SLC35F3: variants seen among roughly 807,000 people sequenced by gnomAD.
The protein encoded by SLC35F3 is putative thiamine transporter SLC35F3.
Under a neutral mutation model 49.9 loss-of-function variants are expected in SLC35F3, and 25 were observed. The ratio of observed to expected loss-of-function variants is 0.50; its 90% CI spans 0.37 to 0.70. The LOEUF (loss-of-function observed/expected upper bound fraction) is 0.70. SLC35F3 is among the 30% of genes least tolerant of loss of function. The probability of loss-of-function intolerance (pLI) is 0.00; values close to 1 mark genes in which losing one functional copy is unlikely to be tolerated. For missense variants in SLC35F3, 525 were observed against 639.8 expected, an observed-to-expected ratio of 0.82 and a Z score of 1.94; for synonymous variants, 275 against 265.4, an observed-to-expected ratio of 1.04 and a Z score of -0.35.
chr1:233,923,093 G>A (rs551186653), intron 2 of SLC35F3, among the ~76,000 whole-genome samples: 1 of 152,030 alleles, frequency 6.6e-6, no homozygotes, highest in Non-Finnish European at 1.5e-5. Context: ...ATGCCTCCAG[G>A]TTTGTTCTTT....
chr1:234,115,583 A>G (rs1036449312), intron 2 of SLC35F3, among the ~76,000 whole-genome samples: 1 of 152,190 alleles, frequency 6.6e-6, no homozygotes, highest in African/African-American at 2.4e-5. Flanking sequence ...AACATGTTCA[A>G]CTTTTTATTT....
At chr1:233,951,212 A>T (rs1662601950) in intron 2 of SLC35F3, among the ~76,000 whole-genome samples, 1 of 152,008 alleles carries the variant, frequency 6.6e-6, no homozygotes. Flanking sequence ...ATATGCAATG[A>T]TGCTGCCATA....
At chr1:234,043,490 T>C (rs1384441849) in intron 2 of SLC35F3, among the ~76,000 whole-genome samples, 2 of 152,222 alleles carry the variant, frequency 1.3e-5, no homozygotes, top group Admixed American at 6.5e-5. Context: ...TGTGCAAATT[T>C]CTTTAACGTC....
At chr1:234,029,011 A>T (rs1477512725) in intron 2 of SLC35F3, among the ~76,000 whole-genome samples, 1 of 152,246 alleles carries the variant, frequency 6.6e-6, no homozygotes, top group Non-Finnish European at 1.5e-5. Flanking sequence ...AAATATTGGA[A>T]GCATCTTACT....
At chr1:234,072,307 C>T (rs887895543) in intron 2 of SLC35F3, among the ~76,000 whole-genome samples, 3 of 152,162 alleles carry the variant, frequency 2.0e-5, no homozygotes, top group African/African-American at 7.2e-5. Flanking sequence ...TGCCTTTATT[C>T]AGATGCAAAC....
chr1:234,016,093 A>G (rs1663799086), intron 2 of SLC35F3, among the ~76,000 whole-genome samples: 1 of 152,244 alleles, frequency 6.6e-6, no homozygotes. Context: ...TTAAAACCAC[A>G]GTGAAATATC....
chr1:233,929,450 G>A (rs557352107), intron 2 of SLC35F3, among the ~76,000 whole-genome samples: 7 of 152,130 alleles, frequency 4.6e-5, no homozygotes, highest in Non-Finnish European at 1.0e-4. Context: ...ACTTTGTAGT[G>A]GAAAAAGCCC....
At chr1:234,248,135 G>T (rs1333921467) in intron 3 of SLC35F3, among the ~76,000 whole-genome samples, 7 of 152,244 alleles carry the variant, frequency 4.6e-5, no homozygotes, top group African/African-American at 1.7e-4. Context: ...GGGTCGGTTG[G>T]CTGGTCCATT....
rs529606202 is a variant in SLC35F3 at position 233,986,370 on chromosome 1, T to A, written c.283+80612T>A. Among the ~76,000 whole-genome samples, 3 of 152,332 alleles carry A rather than the reference T, an allele frequency of 2.0e-5. No individual in the cohort carries two copies. In the East Asian group the frequency reaches 5.8e-4, roughly 29 times the overall value. On this transcript the variant is annotated intron_variant, in intron 2 of 7. Transcript: ENST00000366618. ...TCTCTTCTTCTTTTTTCTGCTTTCA[T>A]AAATGTTTGTTCTGAATATTCTTCC...
rs1657604415 is a variant in SLC35F3 at position 234,320,940 on chromosome 1, A to C, written c.1237+753A>C. Among the ~76,000 whole-genome samples, 2 of 152,100 alleles carry C rather than the reference A, an allele frequency of 1.3e-5. No individual in the cohort carries two copies. The highest frequency in any genetic ancestry group is 6.6e-5 in the Admixed American group (1 of 15,260). On this transcript the variant is annotated intron_variant, in intron 7 of 7. Transcript: ENST00000366618. The surrounding 1 kb of genome is among the most constrained non-coding windows in gnomAD (Gnocchi z 4.8). ...TTCTCTCAGCCAGAAAAGGGCTGTGAATCTGTCCTCCCCAGAACACTCACT... is the reference window on the plus strand; with the variant it reads ...TTCTCTCAGCCAGAAAAGGGCTGTGCATCTGTCCTCCCCAGAACACTCACT...
chr1:234,094,398 C>T (rs562999568), intron 2 of SLC35F3, among the ~76,000 whole-genome samples: 1 of 152,218 alleles, frequency 6.6e-6, no homozygotes, highest in South Asian at 2.1e-4. Flanking sequence ...CTTCAGATAG[C>T]AAGAGCACTA....
rs2102835387 is a variant in SLC35F3, at chr1:234,006,819, A to G, written c.283+101061A>G. On this transcript the variant is annotated intron_variant, in intron 2 of 7. Coordinates refer to ENST00000366618, the MANE Select transcript of SLC35F3 (RefSeq NM_173508.4). Reference sequence around the variant, plus strand: ...ATGCTGAATGAAGTGGGGAGCTACCATAACTGTCATTGGACCTTCCTCCTG... The same window carrying G: ...ATGCTGAATGAAGTGGGGAGCTACCGTAACTGTCATTGGACCTTCCTCCTG... Among the ~76,000 whole-genome samples the G allele has an allele frequency of 1.3e-5, 2 of 152,282 alleles. 1 individual carries two copies. The highest frequency in any genetic ancestry group is 4.1e-4 in the South Asian group (2 of 4,820).
At chr1:233,995,093 G>A (rs1663436178) in intron 2 of SLC35F3, among the ~76,000 whole-genome samples, 2 of 152,210 alleles carry the variant, frequency 1.3e-5, no homozygotes, top group South Asian at 4.1e-4. Context: ...ACAGCACAAT[G>A]CCAGCTACAA....
intron 3 of SLC35F3, among the ~76,000 whole-genome samples, chr1:234,278,512 A>G (rs1172597471): frequency 6.6e-6 from 1 of 151,866 alleles, no homozygotes; most frequent in East Asian, 1.9e-4. Flanking sequence ...AAAACGAAAA[A>G]AAAAGAGAAA....
intron 7 of SLC35F3, among the ~76,000 whole-genome samples, chr1:234,322,667 GTGT>G (rs1558110588): frequency 1.3e-5 from 2 of 151,886 alleles, no homozygotes; most frequent in Non-Finnish European, 2.9e-5. Flanking sequence ...GTGTGTGTGT[GTGT>G]GTGTGTGTGT....
At chr1:234,099,409 A>G (rs973948568) in intron 2 of SLC35F3, among the ~76,000 whole-genome samples, 10 of 152,118 alleles carry the variant, frequency 6.6e-5, no homozygotes, top group African/African-American at 2.4e-4. Flanking sequence ...CAAGAGATCG[A>G]GACCATCCTG....
intron 2 of SLC35F3, among the ~76,000 whole-genome samples, chr1:234,016,732 G>A (rs1663807676): frequency 6.6e-6 from 1 of 152,198 alleles, no homozygotes. Context: ...GTAATCCCAT[G>A]TGCTTGATGT....
chr1:234,321,883 T>C (rs1474397789), intron 7 of SLC35F3, among the ~76,000 whole-genome samples: 1 of 151,826 alleles, frequency 6.6e-6, no homozygotes, highest in Non-Finnish European at 1.5e-5. Flanking sequence ...TTACCAATAT[T>C]AAAAATTAAA....
chr1:234,077,323 C>G (rs1664807970), intron 2 of SLC35F3, among the ~76,000 whole-genome samples: 1 of 152,172 alleles, frequency 6.6e-6, no homozygotes, highest in South Asian at 2.1e-4. Context: ...GTTTAATTGA[C>G]TCACAGTTCA....
Sources: allele counts gnomAD v4.1 joint callset (sites outside exome capture counted in the v4.1 genomes callset), GRCh38; gene constraint gnomAD v4.1.1; non-coding constraint Gnocchi (gnomAD v3.1); transcripts MANE v1.5; gene names NCBI Gene and HGNC (gene_info 2026-07-23, HGNC 2026-07-21).